The following NRXN3 variants were observed in gnomAD, a reference collection of about 807,000 sequenced individuals.
NRXN3 encodes the protein neurexin 3, also known as neurexin III.
A neutral mutation model predicts 137.6 loss-of-function variants in NRXN3; 32 were observed. The observed-to-expected ratio is 0.23, with a 90% confidence interval of 0.18 to 0.31. The LOEUF is 0.31. Ranked by LOEUF, NRXN3 falls within the 10% of genes least tolerant of loss-of-function variation. The pLI is 1.00. For synonymous variants in NRXN3, 798 were observed against 784.5 expected (o/e 1.02, Z -0.29); for missense variants, 1,574 against 2,062.5 (o/e 0.76, Z 4.59).
At chr14:79,833,875 G>GA (rs1376085309) in intron 20 of NRXN3, among the ~76,000 whole-genome samples, 1 of 152,102 alleles carries the variant, frequency 6.6e-6, no homozygotes, top group Non-Finnish European at 1.5e-5. Flanking sequence ...GGACCTTTTG[G>GA]AATGAAAATA....
chr14:79,135,210 G>A (rs1344520254), intron 15 of NRXN3, among the ~76,000 whole-genome samples: 2 of 152,162 alleles, frequency 1.3e-5, no homozygotes, highest in Non-Finnish European at 2.9e-5. Flanking sequence ...GCATGATGGT[G>A]TGTGTAACCT....
At chr14:79,626,774 T>C (rs1285895523) in intron 16 of NRXN3, among the ~76,000 whole-genome samples, 1 of 152,248 alleles carries the variant, frequency 6.6e-6, no homozygotes, top group African/African-American at 2.4e-5. Flanking sequence ...TTAGCCCTAA[T>C]AGTATGCTTT....
chr14:79,411,280 C>T (rs1172454398), intron 15 of NRXN3, among the ~76,000 whole-genome samples: 3 of 152,074 alleles, frequency 2.0e-5, no homozygotes, highest in Non-Finnish European at 4.4e-5. Flanking sequence ...GAAAATCTGG[C>T]AACACTAAGT....
intron 8 of NRXN3, among the ~76,000 whole-genome samples, chr14:78,754,040 A>G (rs1567220814): frequency 1.3e-5 from 2 of 152,210 alleles, no homozygotes; most frequent in Non-Finnish European, 2.9e-5. Context: ...CTCCATGACA[A>G]GGGTGTGAGG....
At chr14:79,841,207 A>G (rs1237141503) in intron 20 of NRXN3, among the ~76,000 whole-genome samples, 1 of 152,190 alleles carries the variant, frequency 6.6e-6, no homozygotes, top group East Asian at 1.9e-4. Context: ...ATTTCCATTA[A>G]GTATGAAAAC....
chr14:78,351,161 T>G (rs897734004), intron 4 of NRXN3, among the ~76,000 whole-genome samples: 1 of 152,194 alleles, frequency 6.6e-6, no homozygotes, highest in African/African-American at 2.4e-5. Flanking sequence ...TTCTGCAAAT[T>G]GTTCTACATA....
chr14:79,260,028 A>C (rs1270167791), intron 15 of NRXN3, among the ~76,000 whole-genome samples: 2 of 152,088 alleles, frequency 1.3e-5, no homozygotes, highest in African/African-American at 2.4e-5. Context: ...GAGCTGATGA[A>C]TTTGCACTAT....
intron 15 of NRXN3, among the ~76,000 whole-genome samples, chr14:79,217,782 A>G (rs1411763445): frequency 6.6e-6 from 1 of 152,216 alleles, no homozygotes; most frequent in Non-Finnish European, 1.5e-5. Flanking sequence ...ATCAATATTT[A>G]AAAGTTCCCT....
At chr14:79,722,314 G>A (rs2098847479) in intron 19 of NRXN3, among the ~76,000 whole-genome samples, 1 of 151,984 alleles carries the variant, frequency 6.6e-6, no homozygotes, top group Non-Finnish European at 1.5e-5. Context: ...GCATGTATGA[G>A]TAAGCAAGCC....
chr14:78,305,394 A>G (rs546487922), intron 4 of NRXN3, among the ~76,000 whole-genome samples: 1 of 152,246 alleles, frequency 6.6e-6, no homozygotes, highest in South Asian at 2.1e-4. Flanking sequence ...CCTAAGATCT[A>G]TTCTAGTCCT....
chr14:79,411,664 T>A (rs1460781592), intron 15 of NRXN3, among the ~76,000 whole-genome samples: 1 of 152,160 alleles, frequency 6.6e-6, no homozygotes, highest in Non-Finnish European at 1.5e-5. Context: ...TGGTATGTAG[T>A]AGAGTCATAA....
At chr14:78,238,139 G>GCCCCCCCCCCCCCCCCCCCCCCCC (rs111555461) in intron 1 of NRXN3, among the ~76,000 whole-genome samples, 1 of 145,492 alleles carries the variant, frequency 6.9e-6, no homozygotes, top group Non-Finnish European at 1.5e-5. Context: ...AGTTGTGTGA[G>GCCCCCCCCCCCCCCCCCCCCCCCC]CCCCCCCCAC....
At chr14:79,694,738 G>C (rs923369342) in intron 18 of NRXN3, among the ~76,000 whole-genome samples, 2 of 151,898 alleles carry the variant, frequency 1.3e-5, no homozygotes, top group African/African-American at 4.8e-5. Context: ...GTTTATCTGA[G>C]AGATAAATTA....
At chr14:78,558,083 A>G (rs1479425713) in intron 4 of NRXN3, among the ~76,000 whole-genome samples, 1 of 152,234 alleles carries the variant, frequency 6.6e-6, no homozygotes, top group Non-Finnish European at 1.5e-5. Flanking sequence ...ATTTGAACCT[A>G]GATGGTTTGG....
At chr14:78,785,389 T>A (rs772233196) in intron 8 of NRXN3, among the ~76,000 whole-genome samples, 3 of 152,174 alleles carry the variant, frequency 2.0e-5, no homozygotes, top group Non-Finnish European at 2.9e-5. Context: ...TATCTTCTGC[T>A]GCAGCGCTAT....
chr14:78,409,345 CTTG>C (rs1437679641), intron 4 of NRXN3, among the ~76,000 whole-genome samples: 3 of 152,184 alleles, frequency 2.0e-5, no homozygotes, highest in African/African-American at 7.2e-5. Context: ...GGGACACTGT[CTTG>C]TTAAGTGTCT....
chr14:78,497,612 A>G (rs1460237888), intron 4 of NRXN3, among the ~76,000 whole-genome samples: 1 of 151,716 alleles, frequency 6.6e-6, no homozygotes, highest in Non-Finnish European at 1.5e-5. Context: ...CCATCCATCC[A>G]TCCATCCATC....
chr14:79,629,183 T>A (rs2153929667), intron 16 of NRXN3, among the ~76,000 whole-genome samples: 1 of 152,178 alleles, frequency 6.6e-6, no homozygotes, highest in East Asian at 1.9e-4. Context: ...AAGACATTAT[T>A]TATTTTAGCA....
intron 8 of NRXN3, among the ~76,000 whole-genome samples, chr14:78,778,792 CTTTCTTTCTT>C (rs1452770472): frequency 7.9e-6 from 1 of 127,216 alleles, no homozygotes; most frequent in Non-Finnish European, 1.6e-5. Context: ...TTCTTTCTTT[CTTTCTTTCTT>C]TCTTTCTTTC....
Sources: allele counts gnomAD v4.1 joint callset (sites outside exome capture counted in the v4.1 genomes callset), GRCh38; gene constraint gnomAD v4.1.1; transcripts MANE v1.5; gene names NCBI Gene and HGNC (gene_info 2026-07-23, HGNC 2026-07-21).